Variants in HPSE2 observed in about 807,000 individuals in gnomAD.
The protein encoded by HPSE2 is inactive heparanase-2.
Under a neutral mutation model 60.5 loss-of-function variants are expected in HPSE2, and 38 were observed. The observed-to-expected ratio is 0.63, with a 90% CI of 0.48 to 0.82. HPSE2 has a LOEUF of 0.82. HPSE2 is among the 40% of genes least tolerant of loss of function. The pLI is 0.00. For synonymous variants in HPSE2, 295 were observed against 293.2 expected (o/e 1.01, Z -0.06); for missense variants, 713 against 740.4 (o/e 0.96, Z 0.43).
intron 7 of HPSE2, among the ~76,000 whole-genome samples, chr10:98,635,778 T>C (rs965028877): frequency 2.2e-5 from 2 of 92,376 alleles, no homozygotes; most frequent in African/African-American, 7.1e-5. Flanking sequence ...CAAGACCCCA[T>C]CTCATGAAAA....
intron 9 of HPSE2, among the ~76,000 whole-genome samples, chr10:98,502,546 A>T (rs1942061889): frequency 1.3e-5 from 2 of 152,268 alleles, no homozygotes; most frequent in South Asian, 2.1e-4. Context: ...TACAAAAATC[A>T]GCTCAAGCTG....
At chr10:98,687,232 T>C (rs1947940964) in intron 6 of HPSE2, among the ~76,000 whole-genome samples, 1 of 152,208 alleles carries the variant, frequency 6.6e-6, no homozygotes, top group African/African-American at 2.4e-5. Flanking sequence ...TCAAAGTATG[T>C]GGAAGGCTAT....
At chr10:98,723,881 G>A (rs1484888556) in intron 4 of HPSE2, among the ~76,000 whole-genome samples, 2 of 152,078 alleles carry the variant, frequency 1.3e-5, no homozygotes, top group East Asian at 1.9e-4. Context: ...CTTGCTAGCG[G>A]TCTATCAATT....
rs1323250090 is a variant in HPSE2, at chr10:98,740,289, C to T, written c.784+3594G>A. Among the ~76,000 whole-genome samples, 3 of 151,846 alleles carry T rather than the reference C, an allele frequency of 2.0e-5. No homozygotes were observed. In the East Asian group the frequency reaches 5.8e-4, roughly 29 times the overall value. On this transcript the variant is annotated intron_variant, in intron 4 of 11. Transcript: ENST00000370552. Reference sequence around the variant, plus strand: ...CTCCCAGGCTCAAGTGACCCTCCAGCCTCAGTCTCCCAAGTACCCAGGATC... The same window carrying T: ...CTCCCAGGCTCAAGTGACCCTCCAGTCTCAGTCTCCCAAGTACCCAGGATC...
chr10:98,715,637 TAA>T (rs1948772377), intron 5 of HPSE2, among the ~76,000 whole-genome samples: 1 of 152,052 alleles, frequency 6.6e-6, no homozygotes. Flanking sequence ...TCAGTACATA[TAA>T]GAGTTATGTT....
intron 3 of HPSE2, among the ~76,000 whole-genome samples, chr10:99,078,386 T>G (rs921549381): frequency 2.6e-5 from 4 of 152,232 alleles, no homozygotes; most frequent in Admixed American, 2.6e-4. Context: ...GGATGGTATT[T>G]GCATATAATC....
Position 98,925,879 on chromosome 10 carries a change from T to C in HPSE2, c.611-181823A>G, listed in dbSNP as rs1954443959. ...GTTTCCAGCTTCTTCAGCGCCAAGT[T>C]TGGGATATTAAAGACAAGAAGAAAA... On this transcript the variant is annotated intron_variant, in intron 3 of 11. Coordinates refer to ENST00000370552, the MANE Select transcript of HPSE2 (RefSeq NM_021828.5). Among the ~76,000 whole-genome samples the C allele has an allele frequency of 2.0e-5, 3 of 152,116 alleles. No individual in the cohort carries two copies. The South Asian group carries it at 6.2e-4, about 32-fold the overall frequency.
intron 3 of HPSE2, among the ~76,000 whole-genome samples, chr10:98,872,600 T>G (rs193284102): frequency 2.6e-5 from 4 of 152,146 alleles, no homozygotes; most frequent in Non-Finnish European, 5.9e-5. Context: ...TAGTTATACT[T>G]TTTAATCCAT....
At chr10:98,488,137 T>C (rs900644218) in intron 10 of HPSE2, among the ~76,000 whole-genome samples, 1 of 152,204 alleles carries the variant, frequency 6.6e-6, no homozygotes, top group Admixed American at 6.5e-5. Flanking sequence ...TGACTTTGCA[T>C]AGAAATTAGA....
At chr10:98,870,735 T>C (rs536167723) in intron 3 of HPSE2, among the ~76,000 whole-genome samples, 24 of 151,974 alleles carry the variant, frequency 1.6e-4, no homozygotes, top group Non-Finnish European at 3.1e-4. Context: ...CTTTGAAAAA[T>C]TGTTGTCATG....
intron 3 of HPSE2, among the ~76,000 whole-genome samples, chr10:98,993,581 T>TA (rs1403669575): frequency 6.6e-6 from 1 of 152,248 alleles, no homozygotes; most frequent in Non-Finnish European, 1.5e-5. Context: ...AGAAATTATG[T>TA]AAAAGAGTTA....
At chr10:98,482,122 A>G (rs531640371) in intron 11 of HPSE2, among the ~76,000 whole-genome samples, 7 of 152,200 alleles carry the variant, frequency 4.6e-5, no homozygotes, top group Non-Finnish European at 1.0e-4. Context: ...GGGGCAGGAC[A>G]GACTCTTTAT....
At position 99,144,391 on chromosome 10, in the gene HPSE2, G is replaced by T; in HGVS notation, c.457C>A (p.Arg153=). The T allele has an allele frequency of 6.2e-7, 1 of 1,613,268 alleles. No individual in the cohort carries two copies. The highest frequency in any genetic ancestry group is 1.3e-5 in the African/African-American group (1 of 74,990). ...TGTTTATCTAAGGCAACATCACTTC[G>T]AACAATGTCTACAAAAAGAAAGAAA... ...YLKNYEDDIV[R]SDVALDKQKG... Residue 153 remains arginine (R), a synonymous_variant, in exon 3 of 12, where the codon CGA becomes AGA. Coordinates refer to ENST00000370552, the MANE Select transcript of HPSE2 (RefSeq NM_021828.5).
chr10:98,901,893 G>A (rs1002522829), intron 3 of HPSE2, among the ~76,000 whole-genome samples: 3 of 152,040 alleles, frequency 2.0e-5, no homozygotes, highest in South Asian at 2.1e-4. Flanking sequence ...TTAACATAAC[G>A]CCTGGCATAT....
intron 2 of HPSE2, among the ~76,000 whole-genome samples, chr10:99,220,036 G>A (rs564709954): frequency 1.3e-5 from 2 of 152,272 alleles, no homozygotes; most frequent in South Asian, 4.1e-4. Flanking sequence ...AACAATGTTA[G>A]TGTCACTTTC....
intron 7 of HPSE2, among the ~76,000 whole-genome samples, chr10:98,631,469 T>C (rs1946363357): frequency 6.6e-6 from 1 of 152,166 alleles, no homozygotes; most frequent in South Asian, 2.1e-4. Flanking sequence ...TCCCAGTCCT[T>C]TTCTGTGACT....
intron 3 of HPSE2, among the ~76,000 whole-genome samples, chr10:99,125,986 G>T (rs891579619): frequency 3.9e-5 from 6 of 152,166 alleles, no homozygotes; most frequent in Non-Finnish European, 7.4e-5. Context: ...TCCAGGAGGC[G>T]AATGGGGACT....
At chr10:99,237,187 C>T (rs1849880376), upstream of HPSE2, among the ~76,000 whole-genome samples, 1 of 152,164 alleles carries the variant, frequency 6.6e-6, no homozygotes, top group Non-Finnish European at 1.5e-5. Flanking sequence ...GCCCCACTTT[C>T]GGCTTCTTTC....
intron 9 of HPSE2, among the ~76,000 whole-genome samples, chr10:98,533,787 T>C (rs1399374995): frequency 6.6e-6 from 1 of 152,208 alleles, no homozygotes; most frequent in African/African-American, 2.4e-5. Context: ...GACAGAACAA[T>C]GAAAGCCAAC....
Sources: allele counts gnomAD v4.1 joint callset (sites outside exome capture counted in the v4.1 genomes callset), GRCh38; gene constraint gnomAD v4.1.1; transcripts MANE v1.5; gene names NCBI Gene and HGNC (gene_info 2026-07-23, HGNC 2026-07-21).